The following OSBPL6 variants were observed in gnomAD, a reference collection of about 807,000 sequenced individuals.
OSBPL6 encodes oxysterol-binding protein-related protein 6.
OSBPL6 carries 49 observed loss-of-function variants against 125.8 expected under a neutral mutation model. The observed-to-expected ratio is 0.39, with a 90% CI of 0.31 to 0.49. The LOEUF (loss-of-function observed/expected upper bound fraction) is 0.49. Among genes scored for constraint, OSBPL6 ranks in the 20% least tolerant of loss-of-function variants. The pLI is 0.88. For missense variants in OSBPL6, 986 were observed against 1,135.4 expected (o/e 0.87, Z 1.89); for synonymous variants, 394 against 391.8 (o/e 1.01, Z -0.07).
chr2:178,266,864 C>T (rs556720688), intron 1 of OSBPL6, among the ~76,000 whole-genome samples: 1 of 152,298 alleles, frequency 6.6e-6, no homozygotes, highest in Non-Finnish European at 1.5e-5. Context: ...ATCTTTTCCA[C>T]ATTAGTGACC....
intron 3 of OSBPL6, among the ~76,000 whole-genome samples, chr2:178,309,364 T>A (rs1195099957): frequency 6.6e-6 from 1 of 152,248 alleles, no homozygotes; most frequent in Admixed American, 6.5e-5. Flanking sequence ...TGTTTTAATA[T>A]ATCCTGGAGG....
intron 24 of OSBPL6, among the ~76,000 whole-genome samples, chr2:178,394,884 A>T (rs138490661): frequency 2.0e-5 from 3 of 152,284 alleles, no homozygotes; most frequent in African/African-American, 7.2e-5. Context: ...TATTTGCAGG[A>T]TTATATATAC....
chr2:178,256,572 C>A (rs965567804), intron 1 of OSBPL6, among the ~76,000 whole-genome samples: 1 of 152,140 alleles, frequency 6.6e-6, no homozygotes, highest in Non-Finnish European at 1.5e-5. Flanking sequence ...GTGAATGCAG[C>A]GTCTGAGGCA....
chr2:178,391,278 A>G (rs1695383424), intron 22 of OSBPL6, 61 bp downstream of exon 22: 1 of 1,478,952 alleles, frequency 6.8e-7, no homozygotes, highest in Admixed American at 2.5e-5. Context: ...AAGGGAAGAG[A>G]ACATCAGGTC....
At chr2:178,381,380 G>GTC (rs1039541619) in intron 15 of OSBPL6, among the ~76,000 whole-genome samples, 2 of 152,042 alleles carry the variant, frequency 1.3e-5, no homozygotes, top group Admixed American at 6.5e-5. Context: ...TTGAGACAGA[G>GTC]TCTCGCTCTG....
intron 19 of OSBPL6, among the ~76,000 whole-genome samples, chr2:178,386,434 G>A (rs969637003): frequency 5.9e-5 from 9 of 152,080 alleles, no homozygotes; most frequent in Non-Finnish European, 1.2e-4. Flanking sequence ...CATTCATTAA[G>A]TTAATCCCAC....
intron 13 of OSBPL6, among the ~76,000 whole-genome samples, chr2:178,366,100 C>A (rs1692798733): frequency 6.6e-6 from 1 of 152,184 alleles, no homozygotes; most frequent in African/African-American, 2.4e-5. Flanking sequence ...CCATGTTGCC[C>A]AGGCTGGTCT....
intron 1 of OSBPL6, among the ~76,000 whole-genome samples, chr2:178,212,136 A>G (rs2089889311): frequency 6.6e-6 from 1 of 152,148 alleles, no homozygotes; most frequent in African/African-American, 2.4e-5. Flanking sequence ...TATAAACTCT[A>G]ACAAGGCCGC....
intron 1 of OSBPL6, among the ~76,000 whole-genome samples, chr2:178,205,040 T>A (rs1467645956): frequency 1.3e-5 from 2 of 152,052 alleles, no homozygotes; most frequent in African/African-American, 4.8e-5. Context: ...CCTTTCTCAG[T>A]TTCACAGATG....
intron 5 of OSBPL6, among the ~76,000 whole-genome samples, chr2:178,330,006 G>T (rs192850922): frequency 1.3e-5 from 2 of 152,230 alleles, no homozygotes; most frequent in East Asian, 1.9e-4. Context: ...TGTCAGAAAC[G>T]ATCTTTCCTG....
intron 2 of OSBPL6, among the ~76,000 whole-genome samples, chr2:178,304,252 G>A (rs1198201562): frequency 6.6e-6 from 1 of 152,114 alleles, no homozygotes; most frequent in African/African-American, 2.4e-5. Context: ...TGCTAATAAA[G>A]ACATACCCAA....
At chr2:178,395,210 A>G (rs1189795631) in intron 24 of OSBPL6, among the ~76,000 whole-genome samples, 1 of 152,136 alleles carries the variant, frequency 6.6e-6, no homozygotes, top group African/African-American at 2.4e-5. Context: ...GCCAGGAGGT[A>G]ATTTGTTCCT....
At chr2:178,238,705 G>A (rs1399786348) in intron 1 of OSBPL6, among the ~76,000 whole-genome samples, 1 of 152,162 alleles carries the variant, frequency 6.6e-6, no homozygotes, top group East Asian at 1.9e-4. Context: ...AAGGCATTAA[G>A]GTTGTGGATG....
intron 22 of OSBPL6, among the ~76,000 whole-genome samples, chr2:178,391,869 T>C (rs1179742571): frequency 6.6e-6 from 1 of 152,224 alleles, no homozygotes; most frequent in African/African-American, 2.4e-5. Context: ...TTCCCGCTAG[T>C]AGAGTGGCTA....
At position 178,382,717 on chromosome 2, in the gene OSBPL6, T is replaced by G; in HGVS notation, c.1621+210T>G. ...TAGGTAAATAGTTAAGAGAAAACGT[T>G]TTTCCTCTTTCTCAAACCAACAGCT... On this transcript the variant is annotated intron_variant, in intron 16 of 24. Transcript: ENST00000190611. The G allele has an allele frequency of 3.5e-6, 5 of 1,446,594 alleles. No individual in the cohort carries two copies. In the East Asian group the frequency reaches 1.3e-4, roughly 36 times the overall value. 89.6% of individuals were successfully genotyped at this position (1,446,594 alleles called of 1,614,324 possible).
rs1694850805 is a variant in OSBPL6 at position 178,385,344 on chromosome 2, C to G, written c.2014-114C>G. 24 of 713,504 alleles carry G rather than the reference C, an allele frequency of 3.4e-5. No homozygotes were observed. The East Asian group carries it at 5.9e-4, about 17-fold the overall frequency. The allele number at this position is 713,504 out of a possible 1,614,324, so 44.2% of individuals were successfully genotyped here. A position where few individuals can be genotyped will look rare whatever the true frequency, so the allele number is the denominator to read the frequency against. ...GTATAAGTTCTCAGTGTTTTTAAAG[C>G]ATGAAGTCTTACAGATTTACTTATA... is the stretch of plus-strand genomic sequence containing the variant. On this transcript the variant is annotated intron_variant, in intron 18 of 24. Transcript: ENST00000190611.
rs187796604 is a variant in OSBPL6 at position 178,229,216 on chromosome 2, C to T, written c.-351+34542C>T. On this transcript the variant is annotated intron_variant, in intron 1 of 24. Transcript: ENST00000190611. ...TAATGACCTAATCACCTCTTACAGGCCCCACCTCCCAATACTGCCACAATG... is the reference window on the plus strand; with the variant it reads ...TAATGACCTAATCACCTCTTACAGGTCCCACCTCCCAATACTGCCACAATG... Among the ~76,000 whole-genome samples, 7 of 152,282 alleles carry T rather than the reference C, an allele frequency of 4.6e-5. No individual in the cohort carries two copies. The East Asian group carries it at 1.4e-3, about 29-fold the overall frequency.
intron 1 of OSBPL6, among the ~76,000 whole-genome samples, chr2:178,241,100 T>A (rs1027595975): frequency 6.6e-6 from 1 of 152,182 alleles, no homozygotes; most frequent in Non-Finnish European, 1.5e-5. Context: ...ATCTTAAGTG[T>A]ACTAATGCCA....
At chr2:178,252,967 C>T (rs1222772605) in intron 1 of OSBPL6, among the ~76,000 whole-genome samples, 1 of 152,104 alleles carries the variant, frequency 6.6e-6, no homozygotes, top group Non-Finnish European at 1.5e-5. Context: ...ACATCCCCTA[C>T]AGAGTGGACT....
Sources: allele counts gnomAD v4.1 joint callset (sites outside exome capture counted in the v4.1 genomes callset), GRCh38; gene constraint gnomAD v4.1.1; transcripts MANE v1.5; gene names NCBI Gene and HGNC (gene_info 2026-07-23, HGNC 2026-07-21).